SLC37A2: variants seen among roughly 807,000 people sequenced by gnomAD.
SLC37A2 encodes the protein glucose-6-phosphate exchanger SLC37A2.
In SLC37A2, 59 loss-of-function variants were observed where a neutral mutation model predicts 70.7. The observed-to-expected ratio is 0.83, with a 90% CI of 0.68 to 1.04. The LOEUF (loss-of-function observed/expected upper bound fraction) is 1.04. Among genes scored for constraint, SLC37A2 ranks in the 50% least tolerant of loss-of-function variants. The pLI is 0.00. For synonymous variants in SLC37A2, 257 were observed against 262.1 expected (o/e 0.98, Z 0.19); for missense variants, 580 against 658.1 (o/e 0.88, Z 1.30).
chr11:125,067,671 T>C (rs1591626166), intron 1 of SLC37A2, among the ~76,000 whole-genome samples: 1 of 152,198 alleles, frequency 6.6e-6, no homozygotes, highest in Non-Finnish European at 1.5e-5. Context: ...TTCACAAACT[T>C]ATCAAGATTT....
chr11:125,082,036 C>A, intron 9 of SLC37A2, 130 bp downstream of exon 9: 1 of 1,156,128 alleles, frequency 8.6e-7, no homozygotes, highest in Non-Finnish European at 1.2e-6. Flanking sequence ...AGTTGGGCAG[C>A]CTGCTTGGGG....
rs1394270263 is a variant in SLC37A2 at position 125,090,360 on chromosome 11, T to A, written c.*2226T>A. 1.3e-5 allele frequency: 2 copies of A among 152,128 alleles called. No individual in the cohort carries two copies. Among genetic ancestry groups the A allele is most frequent in the African/African-American group, 2.4e-5 (1 of 41,400 alleles). 9.4% of individuals were successfully genotyped at this position (152,128 alleles called of 1,614,324 possible). A position where few individuals can be genotyped will look rare whatever the true frequency, so the allele number is the denominator to read the frequency against. ...TGTAAACGCACCAATCAACGACCTG[T>A]CAAAACAGGCCACTCGGCTCTACCA... On this transcript the variant is annotated 3_prime_UTR_variant, in exon 18 of 18. Coordinates refer to ENST00000403796, the MANE Select transcript of SLC37A2 (RefSeq NM_001145290.2).
At chr11:125,074,377 C>T (rs1949061011) in intron 1 of SLC37A2, among the ~76,000 whole-genome samples, 1 of 152,010 alleles carries the variant, frequency 6.6e-6, no homozygotes, top group African/African-American at 2.4e-5. Context: ...CACGGATTCT[C>T]TTGCTAGTGC....
intron 1 of SLC37A2, among the ~76,000 whole-genome samples, chr11:125,074,131 G>A (rs954699983): frequency 4.6e-5 from 7 of 151,984 alleles, no homozygotes; most frequent in South Asian, 2.1e-4. Context: ...TCACACCTCC[G>A]TGCCTTCGTG....
intron 2 of SLC37A2, 85 bp from the exon 3 acceptor site, chr11:125,077,145 C>A: frequency 9.6e-7 from 1 of 1,044,626 alleles, no homozygotes; most frequent in South Asian, 1.5e-5. Flanking sequence ...TGGTAGGAGG[C>A]AGTGTCTCCA....
intron 10 of SLC37A2, among the ~76,000 whole-genome samples, chr11:125,082,715 T>TC (rs1391415402): frequency 6.6e-6 from 1 of 152,002 alleles, no homozygotes; most frequent in Non-Finnish European, 1.5e-5. Flanking sequence ...GCTAGATCTC[T>TC]CCCCCAGCCC....
chr11:125,072,204 T>C (rs1440450383), intron 1 of SLC37A2, among the ~76,000 whole-genome samples: 1 of 152,156 alleles, frequency 6.6e-6, no homozygotes, highest in African/African-American at 2.4e-5. Context: ...GGACATGCCA[T>C]TTCTTGATTT....
At chr11:125,081,243 C>T (rs548547924) in intron 7 of SLC37A2, among the ~76,000 whole-genome samples, 178 bp from the exon 8 acceptor site, 1 of 152,220 alleles carries the variant, frequency 6.6e-6, no homozygotes, top group East Asian at 1.9e-4. Context: ...AAAGCTGTCT[C>T]CTGAGCCCCA....
At chr11:125,076,708 C>A in intron 1 of SLC37A2, 49 bp from the exon 2 acceptor site, 1 of 1,581,508 alleles carries the variant, frequency 6.3e-7, no homozygotes, top group Non-Finnish European at 8.7e-7. Context: ...CCCAGAACTT[C>A]CAGCTGGGGC....
intron 1 of SLC37A2, among the ~76,000 whole-genome samples, chr11:125,072,478 T>G (rs1949038375): frequency 1.3e-5 from 2 of 152,262 alleles, no homozygotes; most frequent in South Asian, 4.2e-4. Flanking sequence ...CCCTCCATCC[T>G]TTGGTCCTTG....
At chr11:125,081,388 G>A in intron 7 of SLC37A2, 33 bp from the exon 8 acceptor site, 1 of 1,595,636 alleles carries the variant, frequency 6.3e-7, no homozygotes, top group South Asian at 1.1e-5. Flanking sequence ...GCGGGGGTTG[G>A]GAAACTTCTT....
rs79944049 is a variant in SLC37A2, at chr11:125,073,648, A to G, written c.60-3109A>G. Reference sequence around the variant, plus strand: ...GAAAGGTGATAGACTCTGCTTTTCCAATGAGCAAAAAGATGTAAGGAATGA... The same window carrying G: ...GAAAGGTGATAGACTCTGCTTTTCCGATGAGCAAAAAGATGTAAGGAATGA... On this transcript the variant is annotated intron_variant, in intron 1 of 17. Coordinates refer to ENST00000403796, the MANE Select transcript of SLC37A2 (RefSeq NM_001145290.2). Among the ~76,000 whole-genome samples, 24 of 152,366 alleles carry G rather than the reference A, an allele frequency of 1.6e-4. No homozygotes were observed. The East Asian group carries it at 4.1e-3, about 26-fold the overall frequency.
chr11:125,082,219 A>G (rs372133317), intron 9 of SLC37A2, 25 bp from the exon 10 acceptor site: 2 of 1,612,132 alleles, frequency 1.2e-6, no homozygotes, highest in African/African-American at 2.7e-5. Flanking sequence ...ACCCCTTCCC[A>G]TGTGCCCCCT....
At position 125,083,745 on chromosome 11, in the gene SLC37A2, T is replaced by C. The variant is rs1949174128; in HGVS notation, c.977-70T>C. 2 of 1,385,460 alleles carry C rather than the reference T, an allele frequency of 1.4e-6. No individual in the cohort carries two copies. The highest frequency in any genetic ancestry group is 2.3e-5 in the South Asian group (2 of 86,428). The allele number at this position is 1,385,460 out of a possible 1,614,324, so 85.8% of individuals were successfully genotyped here. A position where few individuals can be genotyped will look rare whatever the true frequency, so the allele number is the denominator to read the frequency against. On this transcript the variant is annotated intron_variant, in intron 10 of 17. Transcript: ENST00000403796. This position sits in a 1 kb window ranked among gnomAD's most constrained non-coding sequence, Gnocchi z 4.6. ...TGGTCTGGATCACGCTCTGCAGGGC[T>C]TCTAGCTGTGACACTCCAGGATGTT...
rs530446789 is a variant in SLC37A2 at position 125,063,734 on chromosome 11, G to T, written c.59+308G>T. Among the ~76,000 whole-genome samples, 1 of 152,210 alleles carries T rather than the reference G, an allele frequency of 6.6e-6. No individual in the cohort carries two copies. Among genetic ancestry groups the T allele is most frequent in the Non-Finnish European group, 1.5e-5 (1 of 68,030 alleles). On this transcript the variant is annotated intron_variant, in intron 1 of 17. Transcript: ENST00000403796. This position sits in a 1 kb window ranked among gnomAD's most constrained non-coding sequence, Gnocchi z 5.4. ...CATCCTCCCCTCCTAACACACATCCGGGGCGCCTTCAGAGCGCCTTTCTGT... is the reference window on the plus strand; with the variant it reads ...CATCCTCCCCTCCTAACACACATCCTGGGCGCCTTCAGAGCGCCTTTCTGT...
At position 125,080,355 on chromosome 11, in the gene SLC37A2, C is replaced by A. The variant is rs1479691019; in HGVS notation, c.528-259C>A. ...AGAACGAGGGCCGGGGCCCCCATGC[C>A]CTCAGTGTGGCTAGAGCTCCCATCG... On this transcript the variant is annotated intron_variant, in intron 6 of 17. Transcript: ENST00000403796. This position sits in a 1 kb window ranked among gnomAD's most constrained non-coding sequence, Gnocchi z 4.3. Among the ~76,000 whole-genome samples the A allele has an allele frequency of 3.3e-5, 5 of 152,164 alleles. No homozygotes were observed.
chr11:125,079,394 C>T, intron 5 of SLC37A2, 147 bp downstream of exon 5: 1 of 1,064,918 alleles, frequency 9.4e-7, no homozygotes, highest in Non-Finnish European at 1.4e-6. Flanking sequence ...CCTCCTGGCC[C>T]CACTGCCCCC....
rs1333407601 is a variant in SLC37A2, at chr11:125,085,072, T to C, written c.1181T>C (p.Leu394Pro). ...QDGIASSIVM[L>P]IICGGLVNGP... ...TGTCTCTATGCTGTCCCAGTGATGC[T>C]GATCATCTGTGGGGGCCTGGTCAAT... The change falls in exon 14 of 18, where the codon CTG becomes CCG. Residue 394 changes from leucine to proline, a missense_variant. Leu to Pro is a moderately conservative substitution (Grantham distance 98). Coordinates refer to ENST00000403796, the MANE Select transcript of SLC37A2 (RefSeq NM_001145290.2). The C allele has an allele frequency of 6.2e-7, 1 of 1,614,068 alleles. No individual in the cohort carries two copies. The highest frequency in any genetic ancestry group is 1.1e-5 in the South Asian group (1 of 91,084).
In SLC37A2 at chr11:125,086,016, C is replaced by A. The variant is rs139840116; in HGVS notation, c.1488C>A (p.Ser496Arg). The A allele has an allele frequency of 4.3e-6, 7 of 1,613,730 alleles. No individual in the cohort carries two copies. The East Asian group carries it at 1.6e-4, about 36-fold the overall frequency. The change falls in exon 17 of 18, where the codon AGC becomes AGA. Residue 496 changes from serine to arginine, a missense_variant and splice_region_variant. By Grantham distance (110) the Ser-to-Arg change is moderately radical (BLOSUM62 -1). Transcript: ENST00000403796. ...GGAAGGTGTCCCTGAGCAGAGGCAGCGGGTGAGTCCGGGGAGCTGAAGCTG... is the reference window on the plus strand; with the variant it reads ...GGAAGGTGTCCCTGAGCAGAGGCAGAGGGTGAGTCCGGGGAGCTGAAGCTG... Reference protein sequence around the residue: ...LAWKVSLSRGSGYKEI With the variant: ...LAWKVSLSRGRGYKEI
Sources: allele counts gnomAD v4.1 joint callset (sites outside exome capture counted in the v4.1 genomes callset), GRCh38; gene constraint gnomAD v4.1.1; non-coding constraint Gnocchi (gnomAD v3.1); transcripts MANE v1.5; gene names NCBI Gene and HGNC (gene_info 2026-07-23, HGNC 2026-07-21).